The following GAS7 variants were observed in gnomAD, a reference collection of about 807,000 sequenced individuals.
GAS7 encodes growth arrest specific 7.
In GAS7, 28 loss-of-function variants were observed where a neutral mutation model predicts 71.1. The observed-to-expected ratio is 0.39, with a 90% CI of 0.29 to 0.54. The LOEUF is 0.54. Ranked by LOEUF, GAS7 falls within the 20% of genes least tolerant of loss-of-function variation. The probability of loss-of-function intolerance (pLI) is 0.62; values close to 1 mark genes in which losing one functional copy is unlikely to be tolerated. For missense variants in GAS7, 436 were observed against 627.8 expected (o/e 0.69, Z 3.27); for synonymous variants, 258 against 245.8 (o/e 1.05, Z -0.46).
At chr17:9,943,367 G>A (rs1480934899) in intron 6 of GAS7, 131 bp from the exon 7 acceptor site, 1 of 651,736 alleles carries the variant, frequency 1.5e-6, no homozygotes, top group East Asian at 2.5e-5. Flanking sequence ...GGGAGCAGCT[G>A]TCTCTGCTGC....
intron 1 of GAS7, among the ~76,000 whole-genome samples, chr17:10,039,574 T>C (rs1456781387): frequency 2.0e-5 from 3 of 152,034 alleles, no homozygotes; most frequent in African/African-American, 7.3e-5. Context: ...TCCCAGCTAC[T>C]CAGGAGGCTG....
At chr17:10,098,289 G>A (rs748174608) in intron 1 of GAS7, among the ~76,000 whole-genome samples, 1 of 152,194 alleles carries the variant, frequency 6.6e-6, no homozygotes, top group African/African-American at 2.4e-5. Flanking sequence ...AGAGCAGGAG[G>A]TGGCTTCCCC....
At chr17:10,042,033 A>G (rs193079863) in intron 1 of GAS7, among the ~76,000 whole-genome samples, 1 of 152,334 alleles carries the variant, frequency 6.6e-6, no homozygotes, top group South Asian at 2.1e-4. Context: ...ACGGTGGCTC[A>G]TGCCTGTAAT....
Position 10,026,037 on chromosome 17 carries a change from C to CTCCGCTCCCT in GAS7, c.184-6150_184-6141dup. The CTCCGCTCCCT allele has an allele frequency of 3.4e-6, 1 of 294,294 alleles. No homozygotes were observed. The highest frequency in any genetic ancestry group is 1.7e-4 in the East Asian group (1 of 5,758). The allele number at this position is 294,294 out of a possible 1,614,324, so 18.2% of individuals were successfully genotyped here. A position where few individuals can be genotyped will look rare whatever the true frequency, so the allele number is the denominator to read the frequency against. On this transcript the variant is annotated intron_variant, in intron 1 of 13. Transcript: ENST00000432992. This position sits in a 1 kb window ranked among gnomAD's most constrained non-coding sequence, Gnocchi z 4.5. ...CCTCCAGGCAGTACAGACCCTGCTACTCCGCTCCCTACCGCTCCCACCATG... is the reference window on the plus strand; with the variant it reads ...CCTCCAGGCAGTACAGACCCTGCTACTCCGCTCCCTTCCGCTCCCTACCGCTCCCACCATG...
chr17:10,063,948 A>G (rs958706465), intron 1 of GAS7, among the ~76,000 whole-genome samples: 3 of 152,064 alleles, frequency 2.0e-5, no homozygotes, highest in African/African-American at 4.8e-5. Context: ...ACCTCCTCCA[A>G]AGGCCATTGC....
chr17:10,096,151 C>T (rs1567589678), intron 1 of GAS7, among the ~76,000 whole-genome samples: 1 of 152,198 alleles, frequency 6.6e-6, no homozygotes, highest in Non-Finnish European at 1.5e-5. Flanking sequence ...AATCACAGGC[C>T]ACTGACACCT....
At position 10,150,656 on chromosome 17, in the gene GAS7, T is replaced by A. The variant is rs1385972166; in HGVS notation, c.183+47552A>T. Among the ~76,000 whole-genome samples, 3 of 141,810 alleles carry A rather than the reference T, an allele frequency of 2.1e-5. No individual in the cohort carries two copies. In the East Asian group the frequency reaches 6.4e-4, roughly 30 times the overall value. 93.0% of individuals were successfully genotyped at this position (141,810 alleles called of 152,430 possible). ...CAGACTGGAGTGCAGTGGCACGATC[T>A]CGGCTCACTGCAACCTCTGCCTCAC... is the stretch of plus-strand genomic sequence containing the variant. On this transcript the variant is annotated intron_variant, in intron 1 of 13. Transcript: ENST00000432992.
At chr17:10,197,670 C>T (rs942924759) in intron 1 of GAS7, among the ~76,000 whole-genome samples, 1 of 150,096 alleles carries the variant, frequency 6.7e-6, no homozygotes, top group Non-Finnish European at 1.5e-5. Flanking sequence ...GCTGAGGGGG[C>T]TCGGGCTGGT....
chr17:10,022,075 T>C (rs931611633), intron 1 of GAS7, among the ~76,000 whole-genome samples: 6 of 151,978 alleles, frequency 3.9e-5, no homozygotes, highest in African/African-American at 1.5e-4. Flanking sequence ...CTGGGCAACA[T>C]AGGAAGACTC....
At chr17:9,991,021 T>C (rs2070822105) in intron 2 of GAS7, among the ~76,000 whole-genome samples, 1 of 152,194 alleles carries the variant, frequency 6.6e-6, no homozygotes, top group Non-Finnish European at 1.5e-5. Flanking sequence ...CTTCCTGGTG[T>C]TGAGGACAGG....
intron 1 of GAS7, among the ~76,000 whole-genome samples, chr17:10,156,570 AC>A (rs1256202111): frequency 1.3e-5 from 2 of 152,184 alleles, no homozygotes; most frequent in Non-Finnish European, 2.9e-5. Flanking sequence ...CAGCTCCTGC[AC>A]CAGAAGGCTG....
intron 4 of GAS7, among the ~76,000 whole-genome samples, chr17:9,966,397 C>A (rs942661416): frequency 6.6e-6 from 1 of 152,116 alleles, no homozygotes; most frequent in African/African-American, 2.4e-5. Context: ...AGATCTGGGG[C>A]TTTCCAGTCT....
intron 5 of GAS7, among the ~76,000 whole-genome samples, chr17:9,952,454 T>A (rs75999912): frequency 0.1 from 15,895 of 152,104 alleles, 874 homozygotes; most frequent in South Asian, 0.14. Flanking sequence ...TGCAATGGCA[T>A]GATCTCAGCT....
At chr17:10,021,411 T>C (rs1396293440) in intron 1 of GAS7, among the ~76,000 whole-genome samples, 1 of 152,210 alleles carries the variant, frequency 6.6e-6, no homozygotes, top group Admixed American at 6.5e-5. Flanking sequence ...GCCCTGCATG[T>C]CATTGGAGGG....
intron 1 of GAS7, among the ~76,000 whole-genome samples, chr17:10,190,008 C>G (rs1597844959): frequency 6.6e-6 from 1 of 151,158 alleles, no homozygotes; most frequent in African/African-American, 2.4e-5. Context: ...AAAATTATAA[C>G]AAATTCAAAT....
chr17:10,139,300 A>G (rs190869736), intron 1 of GAS7, among the ~76,000 whole-genome samples: 4 of 152,344 alleles, frequency 2.6e-5, no homozygotes, highest in Admixed American at 2.6e-4. Context: ...CATCCTAAGA[A>G]TAAACCTAAC....
At chr17:10,157,263 G>A (rs565365031) in intron 1 of GAS7, among the ~76,000 whole-genome samples, 1 of 152,214 alleles carries the variant, frequency 6.6e-6, no homozygotes, top group East Asian at 1.9e-4. Context: ...TGAAGTGCAA[G>A]GCCTGCCAAC....
chr17:10,189,940 CAA>C (rs776083493), intron 1 of GAS7, among the ~76,000 whole-genome samples: 7 of 130,036 alleles, frequency 5.4e-5, no homozygotes, highest in Admixed American at 7.8e-5. Flanking sequence ...TTCCATCTCC[CAA>C]AAAAAAAAAA....
chr17:9,994,195 G>A (rs1469318649), intron 2 of GAS7, among the ~76,000 whole-genome samples: 1 of 150,826 alleles, frequency 6.6e-6, no homozygotes, highest in Non-Finnish European at 1.5e-5. Context: ...AAGTTCATAT[G>A]GAACCAAAAA....
Sources: allele counts gnomAD v4.1 joint callset (sites outside exome capture counted in the v4.1 genomes callset), GRCh38; gene constraint gnomAD v4.1.1; non-coding constraint Gnocchi (gnomAD v3.1); transcripts MANE v1.5; gene names NCBI Gene and HGNC (gene_info 2026-07-23, HGNC 2026-07-21).